The following EXOC4 variants were observed in gnomAD, a reference collection of about 807,000 sequenced individuals.
EXOC4 encodes exocyst complex component 4, also known as SEC8-like 1.
In EXOC4, 71 loss-of-function variants were observed where a neutral mutation model predicts 107.2. That is an observed-to-expected ratio of 0.66 (90% confidence interval 0.55 to 0.81). The LOEUF is 0.81. Ranked by LOEUF, EXOC4 falls within the 30% of genes least tolerant of loss-of-function variation. The probability of loss-of-function intolerance (pLI) is 0.00; values close to 1 mark genes in which losing one functional copy is unlikely to be tolerated. For synonymous variants in EXOC4, 456 were observed against 441.2 expected (o/e 1.03, Z -0.42); for missense variants, 1,108 against 1,189.6 (o/e 0.93, Z 1.01).
intron 9 of EXOC4, among the ~76,000 whole-genome samples, chr7:133,513,651 GCT>G (rs1035183219): frequency 2.6e-5 from 4 of 152,032 alleles, no homozygotes; most frequent in African/African-American, 9.7e-5. Flanking sequence ...TTTTCTTCCT[GCT>G]CATAGCTTAC....
At chr7:133,812,862 A>G (rs1029749364) in intron 10 of EXOC4, among the ~76,000 whole-genome samples, 14 of 152,008 alleles carry the variant, frequency 9.2e-5, no homozygotes, top group African/African-American at 3.4e-4. Context: ...CCTCCCGGAA[A>G]TTTTGTAACC....
At chr7:133,456,116 G>A (rs544923648) in intron 7 of EXOC4, among the ~76,000 whole-genome samples, 2 of 152,268 alleles carry the variant, frequency 1.3e-5, no homozygotes, top group Admixed American at 1.3e-4. Context: ...ATTTTTATCA[G>A]TTGAAGGTAA....
intron 7 of EXOC4, among the ~76,000 whole-genome samples, chr7:133,383,355 C>T (rs918093059): frequency 3.3e-5 from 5 of 152,178 alleles, no homozygotes; most frequent in Admixed American, 3.3e-4. Flanking sequence ...GCATGCTAAG[C>T]AGTGTCTACA....
At chr7:133,496,068 C>T (rs895158372) in intron 9 of EXOC4, among the ~76,000 whole-genome samples, 2 of 152,122 alleles carry the variant, frequency 1.3e-5, no homozygotes, top group African/African-American at 2.4e-5. Flanking sequence ...TGCCCCCATA[C>T]TGGCAGGAAT....
intron 6 of EXOC4, among the ~76,000 whole-genome samples, chr7:133,359,353 TGTG>T (rs1299311728): frequency 1.3e-5 from 2 of 152,232 alleles, no homozygotes; most frequent in East Asian, 1.9e-4. Context: ...ATTTGAAGCT[TGTG>T]GTGCTTTTGT....
chr7:133,978,235 A>T (rs1228914817), intron 14 of EXOC4, among the ~76,000 whole-genome samples: 1 of 152,236 alleles, frequency 6.6e-6, no homozygotes, highest in Non-Finnish European at 1.5e-5. Flanking sequence ...AGCATTCTGA[A>T]CCATTTTTGG....
At chr7:133,584,238 A>G (rs1801342993) in intron 9 of EXOC4, among the ~76,000 whole-genome samples, 1 of 152,158 alleles carries the variant, frequency 6.6e-6, no homozygotes, top group Non-Finnish European at 1.5e-5. Context: ...TGACATCATG[A>G]TTGTGTATTT....
At chr7:133,422,238 G>C (rs952724922) in intron 7 of EXOC4, among the ~76,000 whole-genome samples, 1 of 152,128 alleles carries the variant, frequency 6.6e-6, no homozygotes, top group African/African-American at 2.4e-5. Flanking sequence ...AATACAATGA[G>C]ATAGGCAAAA....
chr7:133,763,205 C>A (rs574508895), intron 10 of EXOC4, among the ~76,000 whole-genome samples: 14 of 152,074 alleles, frequency 9.2e-5, no homozygotes, highest in African/African-American at 3.1e-4. Context: ...GCTACTCCCC[C>A]CTGCCACAGC....
At chr7:133,548,719 G>T (rs540186807) in intron 9 of EXOC4, among the ~76,000 whole-genome samples, 39 of 152,296 alleles carry the variant, frequency 2.6e-4, no homozygotes, top group African/African-American at 8.9e-4. Flanking sequence ...AGCCTTCAAA[G>T]AACTGAAGAG....
intron 9 of EXOC4, among the ~76,000 whole-genome samples, chr7:133,583,082 G>T (rs1485382229): frequency 2.6e-5 from 4 of 152,152 alleles, no homozygotes; most frequent in African/African-American, 9.7e-5. Flanking sequence ...TACAGCCACT[G>T]CTCCGTTCTA....
At chr7:133,532,061 G>A (rs1398975437) in intron 9 of EXOC4, among the ~76,000 whole-genome samples, 2 of 152,016 alleles carry the variant, frequency 1.3e-5, no homozygotes, top group South Asian at 2.1e-4. Context: ...ACGGGTTTAT[G>A]TTAAGTACTT....
At chr7:133,588,576 G>A (rs974574646) in intron 9 of EXOC4, among the ~76,000 whole-genome samples, 22 of 152,016 alleles carry the variant, frequency 1.4e-4, no homozygotes, top group Non-Finnish European at 3.1e-4. Context: ...CAGCTTTTTG[G>A]GTGTAATTCT....
intron 11 of EXOC4, among the ~76,000 whole-genome samples, chr7:133,847,537 A>ATTTTTTTT (rs34297470): frequency 1.6e-5 from 2 of 127,190 alleles, no homozygotes; most frequent in African/African-American, 3.0e-5. Flanking sequence ...TACACCAGCT[A>ATTTTTTTT]TTTTTTTTTT....
intron 17 of EXOC4, among the ~76,000 whole-genome samples, chr7:134,036,111 A>T (rs1053572553): frequency 6.6e-6 from 1 of 152,172 alleles, no homozygotes; most frequent in East Asian, 1.9e-4. Flanking sequence ...CCCTTAATTG[A>T]TAAGTGTTCA....
chr7:133,812,164 A>T (rs1020368637), intron 10 of EXOC4, among the ~76,000 whole-genome samples: 3 of 152,178 alleles, frequency 2.0e-5, no homozygotes, highest in African/African-American at 7.2e-5. Context: ...AAAAAATCAT[A>T]CAATATTTCA....
At position 133,458,237 on chromosome 7, in the gene EXOC4, G is replaced by A. The variant is rs1563073578; in HGVS notation, c.1183-17091G>A. Among the ~76,000 whole-genome samples, 5 of 152,158 alleles carry A rather than the reference G, an allele frequency of 3.3e-5. No individual in the cohort carries two copies. In the South Asian group the frequency reaches 1.0e-3, roughly 32 times the overall value. Reference sequence around the variant, plus strand: ...CTGGAGAATCTGAGATTAAGTATTAGAGCTGGAATAAGGACCTGACTCTGG... The same window carrying A: ...CTGGAGAATCTGAGATTAAGTATTAAAGCTGGAATAAGGACCTGACTCTGG... On this transcript the variant is annotated intron_variant, in intron 7 of 17. Transcript: ENST00000253861.
chr7:133,260,403 A>G (rs1221319943), intron 1 of EXOC4, among the ~76,000 whole-genome samples: 2 of 151,840 alleles, frequency 1.3e-5, no homozygotes, highest in African/African-American at 4.8e-5. Context: ...CCTCCTGAGT[A>G]GCTGGGATTA....
rs148998585 is a variant in EXOC4 at position 133,475,381 on chromosome 7, A to G, written c.1236A>G (p.Pro412=). The G allele has an allele frequency of 1.7e-4, 268 of 1,613,956 alleles. No homozygotes were observed. Among genetic ancestry groups the G allele is most frequent in the Non-Finnish European group, 2.1e-4 (253 of 1,179,928 alleles). Residue 412 remains proline (P), a synonymous_variant, in exon 8 of 18, where the codon CCA becomes CCG. Transcript: ENST00000253861. ...AAAATACTCGTACGGCCTCTGAACC[A>G]TCAGCTCAACTAAGCTATGCCAGCA... is the stretch of plus-strand genomic sequence containing the variant. ...DMKNTRTASE[P]SAQLSYASTG...
Sources: gnomAD v4.1 joint callset for allele counts (sites outside exome capture counted in the v4.1 genomes callset) on GRCh38, gnomAD v4.1.1 for gene constraint, MANE v1.5 for transcripts, NCBI Gene and HGNC (gene_info 2026-07-23, HGNC 2026-07-21) for gene names.